The following AGPAT3 variants were observed in gnomAD, a reference collection of about 807,000 sequenced individuals.
The protein encoded by AGPAT3 is 1-acylglycerol-3-phosphate O-acyltransferase 3.
In AGPAT3, 5 loss-of-function variants were observed where a neutral mutation model predicts 47.3. The observed-to-expected ratio is 0.11, with a 90% CI of 0.06 to 0.22. AGPAT3 has a LOEUF of 0.22. Among genes scored for constraint, AGPAT3 ranks in the 10% least tolerant of loss-of-function variants. AGPAT3 has a pLI of 1.00. For synonymous variants in AGPAT3, 212 were observed against 208.3 expected (o/e 1.02, Z -0.15); for missense variants, 315 against 493.0 (o/e 0.64, Z 3.42).
At chr21:43,973,056 C>T (rs1047190314) in intron 7 of AGPAT3, among the ~76,000 whole-genome samples, 2 of 152,230 alleles carry the variant, frequency 1.3e-5, no homozygotes, top group African/African-American at 4.8e-5. Context: ...CAAAACGACA[C>T]CACCCAGTTC....
chr21:43,963,778 C>A (rs2146681673), intron 3 of AGPAT3, among the ~76,000 whole-genome samples: 1 of 151,476 alleles, frequency 6.6e-6, no homozygotes, highest in Admixed American at 6.6e-5. Context: ...GAGAACCACG[C>A]TGGATGGTCA....
At position 43,971,475 on chromosome 21, in the gene AGPAT3, C is replaced by T. The variant is rs755634879; in HGVS notation, c.752C>T (p.Ala251Val). 1.6e-5 allele frequency: 26 copies of T among 1,614,076 alleles called. No individual in the cohort carries two copies. In the South Asian group the frequency reaches 1.9e-4, roughly 12 times the overall value. Residue 251 changes from alanine (A) to valine (V), a missense_variant, in exon 7 of 10, where the codon GCG becomes GTG. Ala to Val is a moderately conservative substitution (Grantham distance 64). Coordinates refer to ENST00000291572, the MANE Select transcript of AGPAT3 (RefSeq NM_020132.5). ...LGILYGKKYE[A>V]DMCVRRFPLE... is the part of the protein sequence containing the mutation. The stretch of plus-strand genomic sequence containing the variant: ...ATCCTCTACGGGAAGAAGTACGAGG[C>T]GGACATGTGCGTGAGGTGAGGCCAG...
intron 1 of AGPAT3, among the ~76,000 whole-genome samples, chr21:43,892,320 GA>G (rs753654209): frequency 1.3e-4 from 18 of 142,956 alleles, no homozygotes; most frequent in African/African-American, 3.4e-4. Context: ...AAAAAAAAAA[GA>G]AAAAAAAAGA....
intron 1 of AGPAT3, among the ~76,000 whole-genome samples, chr21:43,899,642 G>A (rs1397834509): frequency 6.6e-6 from 1 of 152,192 alleles, no homozygotes; most frequent in Non-Finnish European, 1.5e-5. Context: ...CTGTGGTTCT[G>A]GCTCTTGCCT....
intron 1 of AGPAT3, among the ~76,000 whole-genome samples, chr21:43,872,432 C>G (rs567954134): frequency 2.0e-5 from 3 of 152,144 alleles, no homozygotes; most frequent in Non-Finnish European, 2.9e-5. Flanking sequence ...CCACCCACCT[C>G]GGCCTCCCAA....
chr21:43,869,605 AC>A (rs963023348), intron 1 of AGPAT3, among the ~76,000 whole-genome samples: 16 of 151,960 alleles, frequency 1.1e-4, no homozygotes, highest in African/African-American at 3.9e-4. Flanking sequence ...GGCAGGTCTG[AC>A]CCCCGTGAGA....
chr21:43,932,461 A>C lies in AGPAT3; in HGVS notation c.-48-27173A>C, dbSNP rs1037017207. The stretch of plus-strand genomic sequence containing the variant: ...GGACTTCCTTCTTCCTTATGGCTGA[A>C]TAATAACACGGCGTTACGCACCGCA... On this transcript the variant is annotated intron_variant, in intron 2 of 9. Coordinates refer to ENST00000291572, the MANE Select transcript of AGPAT3 (RefSeq NM_020132.5). The surrounding 1 kb of genome is among the most constrained non-coding windows in gnomAD (Gnocchi z 5.2). Among the ~76,000 whole-genome samples the C allele has an allele frequency of 6.6e-6, 1 of 152,290 alleles. No individual in the cohort carries two copies. Among genetic ancestry groups the C allele is most frequent in the South Asian group, 2.1e-4 (1 of 4,828 alleles).
chr21:43,969,359 C>T, intron 5 of AGPAT3, 80 bp downstream of exon 5: 2 of 1,566,064 alleles, frequency 1.3e-6, no homozygotes, highest in Non-Finnish European at 1.7e-6. Context: ...GCCCACATCC[C>T]AGGCTGGGAA....
At chr21:43,873,561 A>AGAG (rs1300372128) in intron 1 of AGPAT3, among the ~76,000 whole-genome samples, 1 of 152,174 alleles carries the variant, frequency 6.6e-6, no homozygotes, top group Non-Finnish European at 1.5e-5. Context: ...CATTTTCAGT[A>AGAG]GAGACGGGGT....
intron 1 of AGPAT3, among the ~76,000 whole-genome samples, chr21:43,894,585 C>G (rs1409754730): frequency 6.6e-6 from 1 of 152,152 alleles, no homozygotes; most frequent in Admixed American, 6.5e-5. Context: ...AAATTCTTCT[C>G]TGCTATCTAT....
chr21:43,921,541 C>A (rs1347453674), intron 2 of AGPAT3, among the ~76,000 whole-genome samples: 1 of 152,132 alleles, frequency 6.6e-6, no homozygotes, highest in African/African-American at 2.4e-5. Flanking sequence ...TTTTCTGATG[C>A]CGAAATCCCC....
intron 2 of AGPAT3, among the ~76,000 whole-genome samples, chr21:43,925,931 G>A (rs368283457): frequency 2.6e-5 from 4 of 152,378 alleles, no homozygotes; most frequent in South Asian, 2.1e-4. Context: ...GGTGGCCGCC[G>A]GCGCCATGTA....
chr21:43,869,212 TTGG>T (rs1462570563), intron 1 of AGPAT3, among the ~76,000 whole-genome samples: 4 of 152,180 alleles, frequency 2.6e-5, no homozygotes, highest in African/African-American at 9.7e-5. Flanking sequence ...TACGGTACAC[TTGG>T]TGGGAGTAAA....
intron 2 of AGPAT3, among the ~76,000 whole-genome samples, chr21:43,947,634 C>T (rs73371189): frequency 9.7e-4 from 147 of 151,850 alleles, no homozygotes; most frequent in African/African-American, 3.0e-3. Context: ...GAACTGTAAA[C>T]GGAGGTGGCA....
At chr21:43,931,753 A>T (rs1304474630) in intron 2 of AGPAT3, among the ~76,000 whole-genome samples, 2 of 152,164 alleles carry the variant, frequency 1.3e-5, no homozygotes, top group African/African-American at 2.4e-5. Context: ...CCAGAAGGGG[A>T]TTTTGGCAGA....
In AGPAT3 at chr21:43,939,155, G is replaced by A. The variant is rs951101410; in HGVS notation, c.-48-20479G>A. 1.3e-5 allele frequency among the ~76,000 whole-genome samples: 2 copies of A among 152,174 alleles called. No homozygotes were observed. Among genetic ancestry groups the A allele is most frequent in the Non-Finnish European group, 2.9e-5 (2 of 68,016 alleles). On this transcript the variant is annotated intron_variant, in intron 2 of 9. Coordinates refer to ENST00000291572, the MANE Select transcript of AGPAT3 (RefSeq NM_020132.5). This position sits in a 1 kb window ranked among gnomAD's most constrained non-coding sequence, Gnocchi z 4.4. ...GTGTCTGATGCCGTGGGAGATGCAC[G>A]AGCAGTGACTTTCACTTTATCCCAC...
At position 43,908,084 on chromosome 21, in the gene AGPAT3, T is replaced by C. The variant is rs1179676161; in HGVS notation, c.-49+4065T>C. 6.6e-6 allele frequency among the ~76,000 whole-genome samples: 1 copy of C among 152,216 alleles called. No individual in the cohort carries two copies. The highest frequency in any genetic ancestry group is 1.5e-5 in the Non-Finnish European group (1 of 68,026). Reference sequence around the variant, plus strand: ...AGGGACGCTTTCTCTTTCCGTGTGCTGGAAGACCTGAATGCTTCAGAGCCT... The same window carrying C: ...AGGGACGCTTTCTCTTTCCGTGTGCCGGAAGACCTGAATGCTTCAGAGCCT... On this transcript the variant is annotated intron_variant, in intron 2 of 9. Coordinates refer to ENST00000291572, the MANE Select transcript of AGPAT3 (RefSeq NM_020132.5). This position sits in a 1 kb window ranked among gnomAD's most constrained non-coding sequence, Gnocchi z 4.9.
intron 1 of AGPAT3, among the ~76,000 whole-genome samples, chr21:43,897,387 C>T (rs955842420): frequency 6.6e-6 from 1 of 152,028 alleles, no homozygotes; most frequent in Non-Finnish European, 1.5e-5. Flanking sequence ...AATCTGATCC[C>T]TCTTTCTTTT....
rs55865152 is a variant in AGPAT3, at chr21:43,869,343, A to G, written c.-112+3998A>G. Among the ~76,000 whole-genome samples, 1,489 of 152,372 alleles carry G rather than the reference A, an allele frequency of 9.8e-3. 27 individuals carry two copies. Among genetic ancestry groups the G allele is most frequent in the African/African-American group, 0.034 (1,420 of 41,594 alleles). ...CTAGTCTAATTGGAGTGATTGATTG[A>G]GTGAACAAATGTGCATTTTATTAGG... On this transcript the variant is annotated intron_variant, in intron 1 of 9. Coordinates refer to ENST00000291572, the MANE Select transcript of AGPAT3 (RefSeq NM_020132.5).
Sources: gnomAD v4.1 joint callset for allele counts (sites outside exome capture counted in the v4.1 genomes callset) on GRCh38, gnomAD v4.1.1 for gene constraint, Gnocchi (gnomAD v3.1) non-coding constraint, MANE v1.5 for transcripts, NCBI Gene and HGNC (gene_info 2026-07-23, HGNC 2026-07-21) for gene names.